Variants in CENPH observed in about 807,000 individuals in gnomAD.
The protein encoded by CENPH is CENP-H.
CENPH carries 40 observed loss-of-function variants against 42.9 expected under a neutral mutation model. The ratio of observed to expected loss-of-function variants is 0.93; its 90% CI spans 0.72 to 1.21. The LOEUF (loss-of-function observed/expected upper bound fraction) is 1.21. CENPH is among the 50% of genes most tolerant of loss of function. CENPH has a pLI of 0.00. For missense variants in CENPH, 302 were observed against 292.9 expected, an observed-to-expected ratio of 1.03 and a Z score of -0.23; for synonymous variants, 88 against 96.5, an observed-to-expected ratio of 0.91 and a Z score of 0.52.
Position 69,196,945 on chromosome 5 carries a change from G to T in CENPH, c.315-108G>T. ...TAATAATATTTTAAAACCTACTTCT[G>T]TTTTATGTATATTTGAAGGGAAATC... is the stretch of plus-strand genomic sequence containing the variant. On this transcript the variant is annotated intron_variant, in intron 4 of 8. Coordinates refer to ENST00000283006, the MANE Select transcript of CENPH (RefSeq NM_022909.4). 7.8e-6 allele frequency: 5 copies of T among 641,902 alleles called. No individual in the cohort carries two copies. The South Asian group carries it at 8.1e-5, about 10-fold the overall frequency. The allele number at this position is 641,902 out of a possible 1,614,324, so 39.8% of individuals were successfully genotyped here.
intron 2 of CENPH, among the ~76,000 whole-genome samples, chr5:69,194,181 G>A (rs1391293554): frequency 6.6e-6 from 1 of 150,886 alleles, no homozygotes; most frequent in East Asian, 1.9e-4. Flanking sequence ...TTTTTTTTGA[G>A]ATGATCTCAC....
chr5:69,201,488 A>G (rs1424976666), intron 5 of CENPH, among the ~76,000 whole-genome samples: 3 of 152,214 alleles, frequency 2.0e-5, no homozygotes, highest in Non-Finnish European at 1.5e-5. Flanking sequence ...TAAAGAAGTA[A>G]AAAAGCAGTT....
intron 2 of CENPH, among the ~76,000 whole-genome samples, chr5:69,193,875 C>T (rs1296017152): frequency 1.3e-5 from 2 of 151,810 alleles, no homozygotes; most frequent in Non-Finnish European, 2.9e-5. Context: ...GGTCTCTTAA[C>T]TCCTGACCTC....
At chr5:69,205,311 T>C (rs1317661158) in intron 7 of CENPH, among the ~76,000 whole-genome samples, 1 of 152,064 alleles carries the variant, frequency 6.6e-6, no homozygotes. Flanking sequence ...CTCTGCAACC[T>C]CTGTCTCCTG....
Position 69,191,851 on chromosome 5 carries a change from G to T in CENPH, c.190+1G>T. The T allele has an allele frequency of 6.6e-7, 1 of 1,509,266 alleles. No homozygotes were observed. The highest frequency in any genetic ancestry group is 9.2e-7 in the Non-Finnish European group (1 of 1,086,966). The allele number at this position is 1,509,266 out of a possible 1,614,324, so 93.5% of individuals were successfully genotyped here. On this transcript the variant is annotated splice_donor_variant, in intron 2 of 8. Coordinates refer to ENST00000283006, the MANE Select transcript of CENPH (RefSeq NM_022909.4). LOFTEE classifies it high-confidence loss of function. ...GAATATAAATCAATGGTTGATGCAA[G>T]TAAGTATTTTCATTTTCAAATTAGG...
chr5:69,201,858 A>G (rs1347189281), intron 5 of CENPH, among the ~76,000 whole-genome samples: 1 of 152,226 alleles, frequency 6.6e-6, no homozygotes, highest in African/African-American at 2.4e-5. Context: ...ACCCTGTCAC[A>G]GAAAACAAAC....
intron 1 of CENPH, 150 bp downstream of exon 1, chr5:69,189,918 C>A (rs1223467358): frequency 2.2e-6 from 2 of 928,878 alleles, no homozygotes; most frequent in African/African-American, 1.7e-5. Flanking sequence ...GAAGCTCTTT[C>A]TTCATCAGCG....
At chr5:69,206,447 C>T (rs1358426125) in intron 7 of CENPH, among the ~76,000 whole-genome samples, 1 of 151,768 alleles carries the variant, frequency 6.6e-6, no homozygotes, top group Non-Finnish European at 1.5e-5. Flanking sequence ...TCCCAAAGTG[C>T]TGGGATTATA....
intron 1 of CENPH, among the ~76,000 whole-genome samples, chr5:69,190,809 G>A (rs1747855439): frequency 1.3e-5 from 2 of 151,950 alleles, no homozygotes; most frequent in African/African-American, 4.8e-5. Context: ...AGAATTGATT[G>A]AACCCGGGAG....
chr5:69,208,796 A>ATTTTTCT (rs948278737), intron 8 of CENPH, among the ~76,000 whole-genome samples: 3 of 151,622 alleles, frequency 2.0e-5, no homozygotes. Context: ...TAAGGTCTTG[A>ATTTTTCT]TTTTTCTTTT....
intron 7 of CENPH, among the ~76,000 whole-genome samples, chr5:69,206,604 T>G (rs1415569969): frequency 6.6e-6 from 1 of 152,074 alleles, no homozygotes; most frequent in Non-Finnish European, 1.5e-5. Context: ...TTCTCCTACC[T>G]CAGCCTCTTG....
intron 3 of CENPH, 26 bp downstream of exon 3, chr5:69,194,721 T>C (rs770399277): frequency 3.6e-6 from 5 of 1,404,384 alleles, no homozygotes; most frequent in Non-Finnish European, 5.0e-6. Flanking sequence ...AAATTTTGTT[T>C]ATGGTCTTTA....
Position 69,197,094 on chromosome 5 carries a change from T to C in CENPH, c.356T>C (p.Ile119Thr). The C allele has an allele frequency of 6.3e-7, 1 of 1,582,380 alleles. No individual in the cohort carries two copies. The change falls in exon 5 of 9, where the codon ATT becomes ACT. Residue 119 changes from isoleucine to threonine, a missense_variant. Transcript: ENST00000283006. Reference sequence around the variant, plus strand: ...GCACTTAAAAAAAACCTGGAGAAAATTAGCAGACAGTCTAGGTATGATTTT... The same window carrying C: ...GCACTTAAAAAAAACCTGGAGAAAACTAGCAGACAGTCTAGGTATGATTTT... ...STALKKNLEKISRQSSVLMDN... is the reference protein window; with the variant it reads ...STALKKNLEKTSRQSSVLMDN...
At chr5:69,192,743 CAG>C (rs1259115654) in intron 2 of CENPH, among the ~76,000 whole-genome samples, 4 of 152,152 alleles carry the variant, frequency 2.6e-5, no homozygotes, top group African/African-American at 7.2e-5. Context: ...CACTGGGCAA[CAG>C]AGTGAGACTG....
chr5:69,202,498 C>T lies in CENPH; in HGVS notation c.372-8C>T, dbSNP rs1350441401. On this transcript the variant is annotated splice_polypyrimidine_tract_variant and splice_region_variant and intron_variant, in intron 5 of 8. Coordinates refer to ENST00000283006, the MANE Select transcript of CENPH (RefSeq NM_022909.4). Reference sequence around the variant, plus strand: ...CCTTAATAAATCATCTTTTTGTTTCCTTTTCAGTGTGCTCATGGATAACAT... The same window carrying T: ...CCTTAATAAATCATCTTTTTGTTTCTTTTTCAGTGTGCTCATGGATAACAT... 8.1e-6 allele frequency: 12 copies of T among 1,479,808 alleles called. No individual in the cohort carries two copies. Among genetic ancestry groups the T allele is most frequent in the East Asian group, 4.7e-5 (2 of 42,692 alleles). The allele number at this position is 1,479,808 out of a possible 1,614,324, so 91.7% of individuals were successfully genotyped here.
chr5:69,200,305 G>A (rs935141516), intron 5 of CENPH, among the ~76,000 whole-genome samples: 4 of 152,056 alleles, frequency 2.6e-5, no homozygotes, highest in African/African-American at 9.7e-5. Flanking sequence ...CAGTAAAATG[G>A]AACTTAAGCT....
intron 7 of CENPH, among the ~76,000 whole-genome samples, chr5:69,206,874 G>C (rs1402530788): frequency 3.1e-5 from 3 of 97,134 alleles, no homozygotes; most frequent in Non-Finnish European, 6.1e-5. Context: ...TGGTCATCTT[G>C]TCTATTCCCC....
chr5:69,192,604 C>T (rs1351054003), intron 2 of CENPH, among the ~76,000 whole-genome samples: 2 of 152,178 alleles, frequency 1.3e-5, no homozygotes, highest in South Asian at 4.1e-4. Flanking sequence ...CAAAGTGAGA[C>T]CTCGTCCCTA....
rs777698677 is a variant in CENPH, at chr5:69,189,638, G to A, written c.4G>A (p.Glu2Lys). 9 of 1,600,922 alleles carry A rather than the reference G, an allele frequency of 5.6e-6. No homozygotes were observed. The highest frequency in any genetic ancestry group is 1.7e-5 in the Admixed American group (1 of 58,952). Residue 2 changes from glutamate to lysine, a missense_variant, in exon 1 of 9, where the codon GAG becomes AAG. Glu to Lys is a moderately conservative substitution (Grantham distance 56). Coordinates refer to ENST00000283006, the MANE Select transcript of CENPH (RefSeq NM_022909.4). ...TAGCCTTTCCCCTCAACCAGCAATG[G>A]AGGAGCAGCCCCAGATGCAAGACGC... is the stretch of plus-strand genomic sequence containing the variant. M[E>K]EQPQMQDADE...
Sources: allele counts gnomAD v4.1 joint callset (sites outside exome capture counted in the v4.1 genomes callset), GRCh38; gene constraint gnomAD v4.1.1; transcripts MANE v1.5; gene names NCBI Gene and HGNC (gene_info 2026-07-23, HGNC 2026-07-21).